FRMD4A: variants seen among roughly 807,000 people sequenced by gnomAD.
FRMD4A encodes FERM domain containing 4A, also known as FERM domain-containing protein 4A.
A neutral mutation model predicts 129.1 loss-of-function variants in FRMD4A; 29 were observed. The ratio of observed to expected loss-of-function variants is 0.22; its 90% CI spans 0.17 to 0.31. The LOEUF is 0.31. Ranked by LOEUF, FRMD4A falls within the 10% of genes least tolerant of loss-of-function variation. FRMD4A has a pLI of 1.00. For missense variants in FRMD4A, 1,272 were observed against 1,375.8 expected, an observed-to-expected ratio of 0.92 and a Z score of 1.19; for synonymous variants, 634 against 571.6, an observed-to-expected ratio of 1.11 and a Z score of -1.56.
intron 2 of FRMD4A, among the ~76,000 whole-genome samples, chr10:13,888,834 T>C (rs906475245): frequency 2.0e-5 from 3 of 152,372 alleles, no homozygotes; most frequent in African/African-American, 7.2e-5. Context: ...ACTGTTAGCA[T>C]GTCTATTTCT....
chr10:13,853,059 T>C (rs74325775), intron 3 of FRMD4A, among the ~76,000 whole-genome samples: 2,265 of 152,300 alleles, frequency 0.015, 60 homozygotes, highest in African/African-American at 0.051. Context: ...TGTAAATGTC[T>C]TGCCAATGGC....
chr10:13,916,006 G>A lies in FRMD4A; in HGVS notation c.46-57094C>T, dbSNP rs563217256. ...GTATTCAGAGAACAAACACAACATTGTCTGAATTCACCACTGCTGAAGGCA... is the reference window on the plus strand; with the variant it reads ...GTATTCAGAGAACAAACACAACATTATCTGAATTCACCACTGCTGAAGGCA... On this transcript the variant is annotated intron_variant, in intron 2 of 24. Transcript: ENST00000357447. Among the ~76,000 whole-genome samples, 20 of 152,330 alleles carry A rather than the reference G, an allele frequency of 1.3e-4. No homozygotes were observed. In the South Asian group the frequency reaches 4.1e-3, roughly 32 times the overall value.
At chr10:13,927,552 A>G (rs1406981313) in intron 2 of FRMD4A, among the ~76,000 whole-genome samples, 1 of 152,230 alleles carries the variant, frequency 6.6e-6, no homozygotes, top group Non-Finnish European at 1.5e-5. Context: ...AAGTTCTACA[A>G]GGAGCTGGGA....
intron 3 of FRMD4A, among the ~76,000 whole-genome samples, chr10:13,826,630 C>T (rs556930943): frequency 6.6e-6 from 1 of 152,284 alleles, no homozygotes; most frequent in East Asian, 1.9e-4. Flanking sequence ...TAAAGCGTTA[C>T]CTCCCCATGG....
intron 2 of FRMD4A, among the ~76,000 whole-genome samples, chr10:13,975,696 G>C (rs1483108469): frequency 2.0e-5 from 3 of 152,070 alleles, no homozygotes; most frequent in African/African-American, 7.2e-5. Flanking sequence ...ATCTCTGTGT[G>C]TGTCTGTGTG....
intron 2 of FRMD4A, among the ~76,000 whole-genome samples, chr10:13,884,824 A>T (rs2094599450): frequency 6.6e-6 from 1 of 152,142 alleles, no homozygotes; most frequent in African/African-American, 2.4e-5. Flanking sequence ...TATCTGCAGA[A>T]CCCTTTCTGG....
intron 2 of FRMD4A, among the ~76,000 whole-genome samples, chr10:14,109,909 T>A (rs796185457): frequency 3.3e-5 from 5 of 150,588 alleles, no homozygotes; most frequent in African/African-American, 1.2e-4. Context: ...AGGCAGAGGT[T>A]GCAGTCAGCC....
At chr10:13,988,877 C>T (rs914259662) in intron 2 of FRMD4A, among the ~76,000 whole-genome samples, 1 of 152,180 alleles carries the variant, frequency 6.6e-6, no homozygotes, top group Non-Finnish European at 1.5e-5. Context: ...TTTAGATCCT[C>T]GACCTCAAAA....
At chr10:13,855,723 A>G (rs573871113) in intron 3 of FRMD4A, among the ~76,000 whole-genome samples, 67 of 152,318 alleles carry the variant, frequency 4.4e-4, no homozygotes, top group African/African-American at 1.6e-3. Context: ...CTGAATGTAA[A>G]ATATGAAATA....
intron 2 of FRMD4A, among the ~76,000 whole-genome samples, chr10:13,977,728 A>T (rs4750441): frequency 0.35 from 53,010 of 152,020 alleles, 9,646 homozygotes; most frequent in East Asian, 0.6. Flanking sequence ...TAGATTTGCC[A>T]CTTTTGGACA....
At chr10:14,069,424 C>G (rs1835213436) in intron 2 of FRMD4A, among the ~76,000 whole-genome samples, 1 of 152,054 alleles carries the variant, frequency 6.6e-6, no homozygotes, top group African/African-American at 2.4e-5. Flanking sequence ...ATTTGGGGGT[C>G]AGGGAGAGGG....
At chr10:13,736,722 T>C (rs145503188) in intron 12 of FRMD4A, among the ~76,000 whole-genome samples, 49 of 152,352 alleles carry the variant, frequency 3.2e-4, no homozygotes, top group Admixed American at 1.4e-3. Flanking sequence ...AATGGCCCAA[T>C]ATTGCTTTCT....
intron 2 of FRMD4A, among the ~76,000 whole-genome samples, chr10:13,969,887 A>C (rs1316193791): frequency 1.3e-5 from 2 of 152,106 alleles, no homozygotes; most frequent in African/African-American, 4.8e-5. Context: ...TGAAAGTGAG[A>C]GGTGGAGGCC....
intron 3 of FRMD4A, among the ~76,000 whole-genome samples, chr10:13,838,878 T>G (rs1178469965): frequency 6.6e-6 from 1 of 151,892 alleles, no homozygotes; most frequent in African/African-American, 2.4e-5. Flanking sequence ...TTCTTTATTA[T>G]ACAGTCTAAA....
intron 2 of FRMD4A, among the ~76,000 whole-genome samples, chr10:14,165,087 G>T (rs1841104202): frequency 6.6e-6 from 1 of 152,122 alleles, no homozygotes. Flanking sequence ...TATAGAATAG[G>T]AGAAAATATT....
Position 13,740,200 on chromosome 10 carries a change from T to C in FRMD4A, c.666A>G (p.Ala222=), listed in dbSNP as rs1179903473. Residue 222 remains alanine (A), a synonymous_variant, in exon 11 of 25, where the codon GCA becomes GCG. Coordinates refer to ENST00000357447, the MANE Select transcript of FRMD4A (RefSeq NM_018027.5). ...SLPTYGVHYY[A]VKDKQGIPWW... is the part of the protein sequence containing the mutation. ...ACCAAATGAGTCTACTCACCTTCAC[T>C]GCATAATAGTGAACCCCGTAGGTTG... 2.5e-6 allele frequency: 4 copies of C among 1,597,394 alleles called. No homozygotes were observed. In the East Asian group the frequency reaches 6.7e-5, roughly 27 times the overall value.
At chr10:14,170,604 T>G (rs938026465) in intron 2 of FRMD4A, among the ~76,000 whole-genome samples, 1 of 152,156 alleles carries the variant, frequency 6.6e-6, no homozygotes, top group South Asian at 2.1e-4. Flanking sequence ...CATATTGGAG[T>G]ATTCAGAAAA....
At chr10:13,652,229 G>A (rs2081684451) in intron 23 of FRMD4A, 2 of 530,482 alleles carry the variant, frequency 3.8e-6, no homozygotes, top group Admixed American at 6.7e-5. Flanking sequence ...ATAGCAAACA[G>A]TTTATGCCAA....
At chr10:14,285,667 T>A (rs1845658148) in intron 2 of FRMD4A, among the ~76,000 whole-genome samples, 1 of 152,190 alleles carries the variant, frequency 6.6e-6, no homozygotes, top group East Asian at 1.9e-4. Flanking sequence ...AGTTATGAGG[T>A]TTATATGAAA....
Sources: gnomAD v4.1 joint callset for allele counts (sites outside exome capture counted in the v4.1 genomes callset) on GRCh38, gnomAD v4.1.1 for gene constraint, MANE v1.5 for transcripts, NCBI Gene and HGNC (gene_info 2026-07-23, HGNC 2026-07-21) for gene names.